The following POMGNT2 variants were observed in gnomAD, a reference collection of about 807,000 sequenced individuals.
POMGNT2 encodes protein O-linked-mannose beta-1,4-N-acetylglucosaminyltransferase 2.
POMGNT2 carries 32 observed loss-of-function variants against 37.8 expected under a neutral mutation model. The ratio of observed to expected loss-of-function variants is 0.85; its 90% CI spans 0.64 to 1.14. The LOEUF (loss-of-function observed/expected upper bound fraction) is 1.14. POMGNT2 is among the 50% of genes most tolerant of loss of function. POMGNT2 has a pLI of 0.00. For synonymous variants in POMGNT2, 340 were observed against 336.8 expected (o/e 1.01, Z -0.10); for missense variants, 705 against 780.6 (o/e 0.90, Z 1.15).
At chr3:43,103,317 C>G (rs1347241144) in intron 1 of POMGNT2, among the ~76,000 whole-genome samples, 2 of 152,128 alleles carry the variant, frequency 1.3e-5, no homozygotes, top group African/African-American at 4.8e-5. Context: ...CTCTCCCTCA[C>G]AAAGCAAAGA....
intron 1 of POMGNT2, among the ~76,000 whole-genome samples, chr3:43,088,929 G>C (rs2089920533): frequency 6.6e-6 from 1 of 152,196 alleles, no homozygotes; most frequent in Non-Finnish European, 1.5e-5. Flanking sequence ...TGGTATGGAG[G>C]GAGAACTTGT....
At chr3:43,097,874 A>C (rs938135858) in intron 1 of POMGNT2, among the ~76,000 whole-genome samples, 1 of 152,156 alleles carries the variant, frequency 6.6e-6, no homozygotes, top group Non-Finnish European at 1.5e-5. Flanking sequence ...CCAGTTAAAA[A>C]CGGATGCTCA....
chr3:43,083,471 T>A (rs2089872061), intron 1 of POMGNT2, among the ~76,000 whole-genome samples: 1 of 152,218 alleles, frequency 6.6e-6, no homozygotes, highest in Non-Finnish European at 1.5e-5. Flanking sequence ...TCTGCATTAT[T>A]TGTTTCTTTT....
chr3:43,088,532 C>T (rs1452906069), intron 1 of POMGNT2, among the ~76,000 whole-genome samples: 2 of 152,230 alleles, frequency 1.3e-5, no homozygotes, highest in African/African-American at 4.8e-5. Context: ...CTGACACCCA[C>T]GAGGCTCAGA....
rs753930877 is a variant in POMGNT2, at chr3:43,080,812, T to C, written c.620A>G (p.Lys207Arg). 148 of 1,613,836 alleles carry C rather than the reference T, an allele frequency of 9.2e-5. 1 individual carries two copies. The South Asian group carries it at 1.3e-3, about 14-fold the overall frequency. The change falls in exon 2 of 2, where the codon AAG becomes AGG. Residue 207 changes from lysine to arginine, a missense_variant. Transcript: ENST00000344697. ...WGEGAHFDLYKLLSPKQPLLR... is the reference protein window; with the variant it reads ...WGEGAHFDLYRLLSPKQPLLR... ...GAGAGGCTGCTTGGGGCTGAGCAGC[T>C]TGTAGAGGTCGAAGTGTGCACCCTC...
At chr3:43,103,059 AGT>A (rs1409258151) in intron 1 of POMGNT2, among the ~76,000 whole-genome samples, 5 of 152,140 alleles carry the variant, frequency 3.3e-5, no homozygotes, top group African/African-American at 1.2e-4. Context: ...GTAACATACT[AGT>A]GTGATAATTT....
intron 1 of POMGNT2, among the ~76,000 whole-genome samples, chr3:43,083,191 T>C (rs574227709): frequency 3.3e-5 from 5 of 151,704 alleles, no homozygotes; most frequent in African/African-American, 1.2e-4. Flanking sequence ...ACATTCTAGC[T>C]TTTTTTTTCT....
intron 1 of POMGNT2, among the ~76,000 whole-genome samples, chr3:43,082,803 T>C (rs1195339564): frequency 1.3e-5 from 2 of 152,210 alleles, no homozygotes; most frequent in African/African-American, 2.4e-5. Flanking sequence ...TGTCTTTAGC[T>C]AGGTTCCCTA....
chr3:43,080,783 G>T lies in POMGNT2; in HGVS notation c.649C>A (p.Arg217=). The T allele has an allele frequency of 6.2e-7, 1 of 1,614,046 alleles. No homozygotes were observed. Among genetic ancestry groups the T allele is most frequent in the Non-Finnish European group, 8.5e-7 (1 of 1,180,020 alleles). Reference sequence around the variant, plus strand: ...CGGCCCAGGGTCTTCAGCTGTGCCCGCAGGAGAGGCTGCTTGGGGCTGAGC... The same window carrying T: ...CGGCCCAGGGTCTTCAGCTGTGCCCTCAGGAGAGGCTGCTTGGGGCTGAGC... The part of the protein sequence containing the change: ...KLLSPKQPLL[R]AQLKTLGRLL... Residue 217 remains arginine, a synonymous_variant, in exon 2 of 2, where the codon CGG becomes AGG. Coordinates refer to ENST00000344697, the MANE Select transcript of POMGNT2 (RefSeq NM_032806.6).
In POMGNT2 at chr3:43,106,061, C is replaced by A. The variant is rs764292051; in HGVS notation, c.-331G>T. On this transcript the variant is annotated 5_prime_UTR_variant, in exon 1 of 2. Coordinates refer to ENST00000344697, the MANE Select transcript of POMGNT2 (RefSeq NM_032806.6). Reference sequence around the variant, plus strand: ...GCCGTGCGCCTGCCCGGCGGGCGAGCCCGGCGCGGAGCCTGTGCGCCTGCG... The same window carrying A: ...GCCGTGCGCCTGCCCGGCGGGCGAGACCGGCGCGGAGCCTGTGCGCCTGCG... The A allele has an allele frequency of 6.6e-6, 1 of 151,726 alleles. No homozygotes were observed. Among genetic ancestry groups the A allele is most frequent in the Non-Finnish European group, 1.5e-5 (1 of 67,868 alleles). The allele number at this position is 151,726 out of a possible 1,614,324, so 9.4% of individuals were successfully genotyped here.
rs1288321983 is a variant in POMGNT2 at position 43,098,987 on chromosome 3, T to C, written c.-106+6849A>G. ...GTCACCTGGAAGTGACATGTGCCTG[T>C]ATTGGTCCTCTCTGGCATCACTGTG... On this transcript the variant is annotated intron_variant, in intron 1 of 1. Coordinates refer to ENST00000344697, the MANE Select transcript of POMGNT2 (RefSeq NM_032806.6). The surrounding 1 kb of genome is among the most constrained non-coding windows in gnomAD (Gnocchi z 4.3). 1.3e-5 allele frequency among the ~76,000 whole-genome samples: 2 copies of C among 152,206 alleles called. No homozygotes were observed. Among genetic ancestry groups the C allele is most frequent in the Non-Finnish European group, 2.9e-5 (2 of 68,026 alleles).
At chr3:43,101,020 C>T (rs2090014927) in intron 1 of POMGNT2, among the ~76,000 whole-genome samples, 1 of 152,206 alleles carries the variant, frequency 6.6e-6, no homozygotes, top group African/African-American at 2.4e-5. Flanking sequence ...GGCCACTTTA[C>T]TGGAGAAAAG....
intron 1 of POMGNT2, among the ~76,000 whole-genome samples, chr3:43,092,196 T>G (rs940880857): frequency 1.3e-5 from 2 of 152,210 alleles, no homozygotes; most frequent in Non-Finnish European, 2.9e-5. Context: ...GAGAAATGGT[T>G]TATGTAACTT....
rs375350358 is a variant in POMGNT2 at position 43,079,803 on chromosome 3, G to A, written c.1629C>T (p.Asn543=). The A allele has an allele frequency of 6.2e-7, 1 of 1,614,072 alleles. No individual in the cohort carries two copies. Among genetic ancestry groups the A allele is most frequent in the African/African-American group, 1.3e-5 (1 of 74,954 alleles). Residue 543 remains asparagine (N), a synonymous_variant, in exon 2 of 2, where the codon AAC becomes AAT. Transcript: ENST00000344697. ...TYVPYILALQ[N]HTFTENIKPF... is the part of the protein sequence containing the mutation. ...GCTTGATGTTCTCAGTGAAGGTGTG[G>A]TTCTGCAGAGCCAGGATGTAAGGCA...
intron 1 of POMGNT2, among the ~76,000 whole-genome samples, chr3:43,095,526 G>A (rs2089973688): frequency 6.6e-6 from 1 of 152,196 alleles, no homozygotes; most frequent in Admixed American, 6.5e-5. Flanking sequence ...CTCCAGCCTT[G>A]CCCCTGCTCC....
intron 1 of POMGNT2, among the ~76,000 whole-genome samples, chr3:43,100,435 C>T (rs1051679658): frequency 5.3e-5 from 8 of 152,146 alleles, no homozygotes; most frequent in African/African-American, 1.9e-4. Context: ...TCCTTGGATT[C>T]TGGTATCTGT....
intron 1 of POMGNT2, among the ~76,000 whole-genome samples, chr3:43,086,024 C>T (rs2089895283): frequency 6.6e-6 from 1 of 151,958 alleles, no homozygotes; most frequent in African/African-American, 2.4e-5. Context: ...ATATAATGTC[C>T]AGTATTTTTA....
chr3:43,087,110 GAAGA>G (rs1247590820), intron 1 of POMGNT2, among the ~76,000 whole-genome samples: 1 of 152,302 alleles, frequency 6.6e-6, no homozygotes, highest in Middle Eastern at 3.4e-3. Context: ...AAGCAAAATA[GAAGA>G]AAGGAAGGAT....
At chr3:43,088,129 C>T (rs1005853113) in intron 1 of POMGNT2, 3 of 152,206 alleles carry the variant, frequency 2.0e-5, no homozygotes, top group African/African-American at 7.2e-5. Context: ...CACCAGATAG[C>T]TAATAAAGGG....
Sources: allele counts gnomAD v4.1 joint callset (sites outside exome capture counted in the v4.1 genomes callset), GRCh38; gene constraint gnomAD v4.1.1; non-coding constraint Gnocchi (gnomAD v3.1); transcripts MANE v1.5; gene names NCBI Gene and HGNC (gene_info 2026-07-23, HGNC 2026-07-21).